The following EXOC4 variants were observed in gnomAD, a reference collection of about 807,000 sequenced individuals.
EXOC4 encodes the protein SEC8-like 1.
A neutral mutation model predicts 107.2 loss-of-function variants in EXOC4; 71 were observed. The observed-to-expected ratio is 0.66, with a 90% CI of 0.55 to 0.81. EXOC4 has a LOEUF of 0.81. EXOC4 is among the 30% of genes least tolerant of loss of function. EXOC4 has a pLI of 0.00. For missense variants in EXOC4, 1,108 were observed against 1,189.6 expected (o/e 0.93, Z 1.01); for synonymous variants, 456 against 441.2 (o/e 1.03, Z -0.42).
At chr7:134,081,104 A>ATTACTTT in the EXOC4 span, among the ~76,000 whole-genome samples, 2 of 152,098 alleles carry the variant, frequency 1.3e-5, no homozygotes, top group Non-Finnish European at 2.9e-5. Flanking sequence ...GCACTTTGGG[A>ATTACTTT]GGCTGAGGCA....
At chr7:133,977,943 A>G in intron 14 of EXOC4, among the ~76,000 whole-genome samples, 1 of 152,192 alleles carries the variant, frequency 6.6e-6, no homozygotes, top group East Asian at 1.9e-4. Flanking sequence ...CTGCCTCTGT[A>G]CATGTTTTAA....
At chr7:133,939,767 AT>A (rs1800386048) in intron 14 of EXOC4, among the ~76,000 whole-genome samples, 1 of 152,188 alleles carries the variant, frequency 6.6e-6, no homozygotes, top group South Asian at 2.1e-4. Flanking sequence ...TGGGCACAGT[AT>A]TACTTTTGAG....
At chr7:133,494,564 G>A (rs1799436690) in intron 9 of EXOC4, among the ~76,000 whole-genome samples, 2 of 152,168 alleles carry the variant, frequency 1.3e-5, no homozygotes, top group Non-Finnish European at 2.9e-5. Context: ...ACTTAAATAT[G>A]TCATGAATCA....
At chr7:133,676,735 A>G (rs553498582) in intron 10 of EXOC4, among the ~76,000 whole-genome samples, 5 of 152,142 alleles carry the variant, frequency 3.3e-5, no homozygotes, top group South Asian at 2.1e-4. Flanking sequence ...TAGGATATCT[A>G]TGTGGTATCT....
At chr7:133,452,014 G>C (rs1798359640) in intron 7 of EXOC4, among the ~76,000 whole-genome samples, 1 of 152,206 alleles carries the variant, frequency 6.6e-6, no homozygotes. Context: ...CGGTTCAGTA[G>C]TGTTAACTAT....
chr7:133,570,894 T>A (rs1195931809), intron 9 of EXOC4, among the ~76,000 whole-genome samples: 1 of 152,202 alleles, frequency 6.6e-6, no homozygotes, highest in Non-Finnish European at 1.5e-5. Flanking sequence ...TAATTAGGCA[T>A]TTTAAAGAAG....
At chr7:133,410,366 AG>A (rs1338621920) in intron 7 of EXOC4, among the ~76,000 whole-genome samples, 1 of 152,210 alleles carries the variant, frequency 6.6e-6, no homozygotes, top group African/African-American at 2.4e-5. Context: ...GTTAATATTG[AG>A]GAATGTATAT....
At chr7:133,468,033 TTAAA>T (rs917462730) in intron 7 of EXOC4, among the ~76,000 whole-genome samples, 6 of 152,282 alleles carry the variant, frequency 3.9e-5, no homozygotes, top group Non-Finnish European at 5.9e-5. Context: ...ATTTTCTGTG[TTAAA>T]TAAATATATA....
At chr7:133,960,208 T>C (rs113392957) in intron 14 of EXOC4, among the ~76,000 whole-genome samples, 2 of 152,216 alleles carry the variant, frequency 1.3e-5, no homozygotes, top group African/African-American at 4.8e-5. Context: ...AAAAAAATTG[T>C]CCATCATAAG....
chr7:133,675,669 A>G (rs62471387), intron 10 of EXOC4, among the ~76,000 whole-genome samples: 1,798 of 152,300 alleles, frequency 0.012, 17 homozygotes, highest in Middle Eastern at 0.037. Context: ...AGCAGACTAC[A>G]TATCTGATGG....
At chr7:133,393,005 G>C (rs540641934) in intron 7 of EXOC4, among the ~76,000 whole-genome samples, 7 of 152,156 alleles carry the variant, frequency 4.6e-5, no homozygotes, top group African/African-American at 1.7e-4. Flanking sequence ...AGTTAAATCA[G>C]CCTTTCTTTC....
At chr7:133,408,663 T>C (rs1797283884) in intron 7 of EXOC4, among the ~76,000 whole-genome samples, 1 of 152,132 alleles carries the variant, frequency 6.6e-6, no homozygotes, top group Admixed American at 6.5e-5. Flanking sequence ...CACCTACACC[T>C]CTGCATCCAT....
intron 15 of EXOC4, among the ~76,000 whole-genome samples, chr7:134,000,975 T>G (rs952523441): frequency 1.3e-5 from 2 of 152,108 alleles, no homozygotes; most frequent in African/African-American, 4.8e-5. Context: ...CCAAAAACTG[T>G]TTTCCAATCC....
intron 9 of EXOC4, among the ~76,000 whole-genome samples, chr7:133,587,042 C>T (rs561306098): frequency 6.6e-6 from 1 of 152,034 alleles, no homozygotes; most frequent in Non-Finnish European, 1.5e-5. Context: ...TCATATTGGC[C>T]AGGCTGGTCT....
intron 5 of EXOC4, 129 bp from the exon 6 acceptor site, chr7:133,356,201 T>C: frequency 2.1e-6 from 2 of 936,472 alleles, no homozygotes; most frequent in Non-Finnish European, 3.2e-6. Context: ...GCAAATATAA[T>C]TTAATTGAAA....
At chr7:133,879,823 T>G (rs1798927479) in intron 11 of EXOC4, among the ~76,000 whole-genome samples, 1 of 152,160 alleles carries the variant, frequency 6.6e-6, no homozygotes, top group African/African-American at 2.4e-5. Flanking sequence ...TAAGGTTTGT[T>G]TTCAGCTCTA....
chr7:133,897,435 TGTG>T (rs1799345800), intron 12 of EXOC4, among the ~76,000 whole-genome samples: 1 of 152,168 alleles, frequency 6.6e-6, no homozygotes, highest in Non-Finnish European at 1.5e-5. Flanking sequence ...AATTTAGCCT[TGTG>T]GTAACAGAAA....
chr7:133,338,423 C>A (rs1795572707), intron 5 of EXOC4, among the ~76,000 whole-genome samples: 1 of 148,968 alleles, frequency 6.7e-6, no homozygotes, highest in Non-Finnish European at 1.5e-5. Context: ...GAAACCCCGT[C>A]TCTACTAAAA....
intron 10 of EXOC4, among the ~76,000 whole-genome samples, chr7:133,794,805 ATTATAC>A (rs1285575414): frequency 1.3e-5 from 2 of 150,576 alleles, no homozygotes; most frequent in Admixed American, 6.6e-5. Context: ...TTTTTTTTTA[ATTATAC>A]TTTAAGTTTT....
Sources: gnomAD v4.1 joint callset for allele counts (sites outside exome capture counted in the v4.1 genomes callset) on GRCh38, gnomAD v4.1.1 for gene constraint, MANE v1.5 for transcripts, NCBI Gene and HGNC (gene_info 2026-07-23, HGNC 2026-07-21) for gene names.